The following ROBO2 variants were observed in gnomAD, a reference collection of about 807,000 sequenced individuals.
ROBO2 encodes the protein roundabout homolog 2.
ROBO2 carries 53 observed loss-of-function variants against 160.8 expected under a neutral mutation model. The ratio of observed to expected loss-of-function variants is 0.33; its 90% CI spans 0.26 to 0.41. The LOEUF (loss-of-function observed/expected upper bound fraction) is 0.41, where lower values mean the gene tolerates loss of function less well. Among genes scored for constraint, ROBO2 ranks in the 10% least tolerant of loss-of-function variants. The probability of loss-of-function intolerance (pLI) is 1.00; values close to 1 mark genes in which losing one functional copy is unlikely to be tolerated. For missense variants in ROBO2, 1,577 were observed against 1,722.4 expected (o/e 0.92, Z 1.49); for synonymous variants, 664 against 611.7 (o/e 1.09, Z -1.26).
At chr3:76,580,754 T>G (rs1223614972) in intron 2 of ROBO2, among the ~76,000 whole-genome samples, 1 of 152,154 alleles carries the variant, frequency 6.6e-6, no homozygotes, top group African/African-American at 2.4e-5. Flanking sequence ...CACCAATTTG[T>G]TTGATAATAT....
chr3:76,285,585 GT>G (rs1433917563), intron 2 of ROBO2, among the ~76,000 whole-genome samples: 94 of 152,082 alleles, frequency 6.2e-4, no homozygotes, highest in African/African-American at 2.0e-3. Context: ...AAAATCGAAT[GT>G]TCTTTTACAT....
chr3:76,394,214 C>G (rs1272002092), intron 2 of ROBO2, among the ~76,000 whole-genome samples: 1 of 152,130 alleles, frequency 6.6e-6, no homozygotes, highest in African/African-American at 2.4e-5. Context: ...GCAGTTTCTT[C>G]CTAGTCTCAA....
chr3:75,989,122 T>A (rs1315057433), intron 2 of ROBO2, among the ~76,000 whole-genome samples: 1 of 149,982 alleles, frequency 6.7e-6, no homozygotes, highest in Non-Finnish European at 1.5e-5. Flanking sequence ...GTTGTTGTTT[T>A]GTTTGTTTGT....
At chr3:76,811,814 CTTCCTTCCTTCCTTCCTTCCTTCT>C (rs1204487367) in intron 2 of ROBO2, among the ~76,000 whole-genome samples, 8 of 71,370 alleles carry the variant, frequency 1.1e-4, no homozygotes, top group East Asian at 3.5e-4. Flanking sequence ...TCCTTCCTTC[CTTCCTTCCTTCCTTCCTTCCTTCT>C]TTCCTTCCTT....
At chr3:76,319,258 A>T (rs1413777640) in intron 2 of ROBO2, among the ~76,000 whole-genome samples, 1 of 152,112 alleles carries the variant, frequency 6.6e-6, no homozygotes, top group Non-Finnish European at 1.5e-5. Context: ...TCTTTTATTG[A>T]TGTCTTAAAA....
At chr3:76,936,299 A>G (rs2077697048) in intron 2 of ROBO2, among the ~76,000 whole-genome samples, 2 of 152,190 alleles carry the variant, frequency 1.3e-5, no homozygotes, top group South Asian at 4.1e-4. Flanking sequence ...GTGAAGATCT[A>G]TATCAAAAAA....
chr3:77,293,695 G>A (rs1267200091), intron 2 of ROBO2, among the ~76,000 whole-genome samples: 2 of 141,404 alleles, frequency 1.4e-5, no homozygotes, highest in African/African-American at 5.7e-5. Context: ...GGAAGTTGAG[G>A]CTAGAACAGT....
intron 2 of ROBO2, among the ~76,000 whole-genome samples, chr3:76,024,179 T>C (rs2066660323): frequency 2.0e-5 from 3 of 151,448 alleles, no homozygotes; most frequent in African/African-American, 7.3e-5. Flanking sequence ...GAAGTAGCAC[T>C]TATAACATTA....
At chr3:76,172,207 A>G (rs1262520719) in intron 2 of ROBO2, among the ~76,000 whole-genome samples, 4 of 150,922 alleles carry the variant, frequency 2.7e-5, no homozygotes, top group African/African-American at 9.7e-5. Flanking sequence ...CAAACACTGC[A>G]TGTTCTCACT....
At chr3:76,758,571 G>A (rs970250785) in intron 2 of ROBO2, among the ~76,000 whole-genome samples, 1 of 151,770 alleles carries the variant, frequency 6.6e-6, no homozygotes, top group Non-Finnish European at 1.5e-5. Context: ...ATTTCCCAAG[G>A]AGCTGAAATT....
At chr3:77,189,042 T>C (rs1271325473) in intron 2 of ROBO2, among the ~76,000 whole-genome samples, 1 of 151,596 alleles carries the variant, frequency 6.6e-6, no homozygotes, top group Non-Finnish European at 1.5e-5. Flanking sequence ...CTTTTTCTTA[T>C]ATAAAATACG....
intron 2 of ROBO2, among the ~76,000 whole-genome samples, chr3:77,256,254 T>C (rs1439518293): frequency 1.3e-5 from 2 of 152,214 alleles, no homozygotes; most frequent in South Asian, 2.1e-4. Context: ...ATTATTCTGA[T>C]TGATCATTCT....
intron 2 of ROBO2, among the ~76,000 whole-genome samples, chr3:76,346,544 C>T (rs1042360651): frequency 5.3e-5 from 8 of 152,018 alleles, no homozygotes; most frequent in Admixed American, 6.6e-5. Flanking sequence ...GGCATGTAGT[C>T]TACAGTTGCA....
chr3:76,420,266 C>G (rs1274422308), intron 2 of ROBO2, among the ~76,000 whole-genome samples: 1 of 152,154 alleles, frequency 6.6e-6, no homozygotes, highest in Non-Finnish European at 1.5e-5. Context: ...CTTCTCATCT[C>G]AACCTCCCAA....
intron 2 of ROBO2, among the ~76,000 whole-genome samples, chr3:76,159,779 C>A (rs950317459): frequency 6.6e-6 from 1 of 151,968 alleles, no homozygotes; most frequent in South Asian, 2.1e-4. Context: ...TTAGTCCATC[C>A]CTAAAGAAAT....
At chr3:77,506,013 T>A (rs11915636) in intron 5 of ROBO2, among the ~76,000 whole-genome samples, 4,420 of 152,204 alleles carry the variant, frequency 0.029, 225 homozygotes, top group African/African-American at 0.099. Context: ...GTCCCTTCTT[T>A]AAACAGAGGA....
intron 2 of ROBO2, among the ~76,000 whole-genome samples, chr3:76,319,338 A>G (rs537951507): frequency 7.2e-5 from 11 of 152,274 alleles, no homozygotes; most frequent in African/African-American, 2.4e-4. Context: ...AAATCCGTAT[A>G]TTAAGTAAGT....
At chr3:76,256,343 C>G (rs1559690014) in intron 2 of ROBO2, among the ~76,000 whole-genome samples, 2 of 92,240 alleles carry the variant, frequency 2.2e-5, no homozygotes, top group Non-Finnish European at 5.1e-5. Flanking sequence ...CTCTCTCTCT[C>G]TCTCTCTCTC....
intron 5 of ROBO2, among the ~76,000 whole-genome samples, chr3:77,520,095 G>A (rs7625804): frequency 0.79 from 119,922 of 151,178 alleles, 48,287 homozygotes; most frequent in African/African-American, 0.93. Flanking sequence ...TTTAGCTTCC[G>A]TGTTGTCTTC....
Sources: allele counts gnomAD v4.1 joint callset (sites outside exome capture counted in the v4.1 genomes callset), GRCh38; gene constraint gnomAD v4.1.1; transcripts MANE v1.5; gene names NCBI Gene and HGNC (gene_info 2026-07-23, HGNC 2026-07-21).